Variants in FUBP1 observed in about 807,000 individuals in gnomAD.
The protein encoded by FUBP1 is far upstream element binding protein 1, also known as far upstream element-binding protein 1.
In FUBP1, 16 loss-of-function variants were observed where a neutral mutation model predicts 94.9. The observed-to-expected ratio is 0.17, with a 90% CI of 0.11 to 0.26. The LOEUF is 0.26. Among genes scored for constraint, FUBP1 ranks in the 10% least tolerant of loss-of-function variants. The probability of loss-of-function intolerance (pLI) is 1.00; values close to 1 mark genes in which losing one functional copy is unlikely to be tolerated. For missense variants in FUBP1, 583 were observed against 808.6 expected, an observed-to-expected ratio of 0.72 and a Z score of 3.38; for synonymous variants, 279 against 254.9, an observed-to-expected ratio of 1.09 and a Z score of -0.90.
intron 18 of FUBP1, 106 bp downstream of exon 18, chr1:77,955,149 A>G: frequency 1.6e-6 from 1 of 616,930 alleles, no homozygotes; most frequent in South Asian, 2.1e-5. Flanking sequence ...AACTGTCTTG[A>G]TATGTTTACA....
chr1:77,978,863 C>G (rs757083235), intron 1 of FUBP1, 22 bp downstream of exon 1: 2 of 1,613,604 alleles, frequency 1.2e-6, no homozygotes, highest in South Asian at 2.2e-5. Flanking sequence ...TTTCGGGATT[C>G]CGCCGCGCGG....
intron 1 of FUBP1, among the ~76,000 whole-genome samples, chr1:77,977,508 A>T (rs1393472887): frequency 6.6e-6 from 1 of 152,210 alleles, no homozygotes; most frequent in Non-Finnish European, 1.5e-5. Flanking sequence ...TCTGGGCGAC[A>T]GAGGGAGACT....
Position 77,963,725 on chromosome 1 carries a change from G to C in FUBP1, c.1042-10C>G, listed in dbSNP as rs780400092. 3 of 1,587,988 alleles carry C rather than the reference G, an allele frequency of 1.9e-6. No homozygotes were observed. Among genetic ancestry groups the C allele is most frequent in the Non-Finnish European group, 2.6e-6 (3 of 1,170,876 alleles). ...CACCAGGATTACCAGCCTATAGAGA[G>C]GGAAAGACAAGAACGAAGAGTCAGC... is the stretch of plus-strand genomic sequence containing the variant. On this transcript the variant is annotated splice_polypyrimidine_tract_variant and intron_variant, in intron 12 of 19. Coordinates refer to ENST00000370768, the MANE Select transcript of FUBP1 (RefSeq NM_003902.5).
At chr1:77,952,790 T>C (rs1012073464) in intron 18 of FUBP1, among the ~76,000 whole-genome samples, 72 of 152,228 alleles carry the variant, frequency 4.7e-4, no homozygotes, top group African/African-American at 1.6e-3. Flanking sequence ...CGTATGATGA[T>C]GACAAATGCT....
chr1:77,962,365 G>T (rs1655650570), intron 14 of FUBP1, among the ~76,000 whole-genome samples: 1 of 152,094 alleles, frequency 6.6e-6, no homozygotes, highest in East Asian at 1.9e-4. Context: ...TAGGATTTAT[G>T]AATTTCTACT....
intron 5 of FUBP1, 42 bp downstream of exon 5, chr1:77,967,007 T>C (rs1278669641): frequency 2.6e-6 from 4 of 1,549,974 alleles, no homozygotes; most frequent in Middle Eastern, 1.7e-4. Context: ...CTAAAGTATG[T>C]TTTGATCATG....
rs910010467 is a variant in FUBP1 at position 77,960,659 on chromosome 1, C to T, written c.1345-164G>A. The T allele has an allele frequency of 1.5e-5, 8 of 536,964 alleles. No homozygotes were observed. In the African/African-American group the frequency reaches 1.6e-4, roughly 11 times the overall value. The allele number at this position is 536,964 out of a possible 1,614,324, so 33.3% of individuals were successfully genotyped here. A position where few individuals can be genotyped will look rare whatever the true frequency, so the allele number is the denominator to read the frequency against. On this transcript the variant is annotated intron_variant, in intron 14 of 19. Coordinates refer to ENST00000370768, the MANE Select transcript of FUBP1 (RefSeq NM_003902.5). ...ATTTTGCAAAAACTATTTCATCTGC[C>T]ATAATAATGAGACATGTAAAATTCA...
chr1:77,963,449 A>G (rs932244580), intron 13 of FUBP1, 125 bp downstream of exon 13: 12 of 562,246 alleles, frequency 2.1e-5, no homozygotes, highest in African/African-American at 7.7e-5. Flanking sequence ...ACATATTAAC[A>G]TAAGAATTCT....
At chr1:77,966,862 T>C (rs2102420299) in intron 6 of FUBP1, 22 bp downstream of exon 6, 2 of 1,450,612 alleles carry the variant, frequency 1.4e-6, no homozygotes, top group East Asian at 2.3e-5. Flanking sequence ...ACACTGAAAA[T>C]ACCATGAGAA....
rs1421402833 is a variant in FUBP1, at chr1:77,965,058, A to T, written c.636+11T>A. ...AGATCAAAAGTAGCCATTTCACAAA[A>T]ATAACAATACCTGAAGCTGTTTAAT... is the stretch of plus-strand genomic sequence containing the variant. On this transcript the variant is annotated intron_variant, in intron 8 of 19. Coordinates refer to ENST00000370768, the MANE Select transcript of FUBP1 (RefSeq NM_003902.5). 1 of 1,609,296 alleles carries T rather than the reference A, an allele frequency of 6.2e-7. No individual in the cohort carries two copies. Among genetic ancestry groups the T allele is most frequent in the African/African-American group, 1.3e-5 (1 of 74,832 alleles).
At chr1:77,950,519 C>A (rs1410876477) in intron 18 of FUBP1, among the ~76,000 whole-genome samples, 1 of 152,050 alleles carries the variant, frequency 6.6e-6, no homozygotes, top group Non-Finnish European at 1.5e-5. Context: ...GGTTCATACA[C>A]AAAAAACATA....
In FUBP1 at chr1:77,966,926, G is replaced by A. The variant is rs1397698903; in HGVS notation, c.373C>T (p.Arg125Cys). ...TTGCATCCAGATTCCTGTTGTATGC[G>A]TGAGATCTGTTCACCTCCTCTGCCA... Reference protein sequence around the residue: ...IIGRGGEQISRIQQESGCKIQ... With the variant: ...IIGRGGEQISCIQQESGCKIQ... Residue 125 changes from arginine to cysteine, a missense_variant, in exon 6 of 20, where the codon CGC becomes TGC. By Grantham distance (180) the Arg-to-Cys change is radical. Transcript: ENST00000370768. The A allele has an allele frequency of 2.5e-6, 4 of 1,604,366 alleles. No individual in the cohort carries two copies. The highest frequency in any genetic ancestry group is 1.3e-5 in the African/African-American group (1 of 74,456).
chr1:77,968,648 A>C (rs1000528860), intron 2 of FUBP1, among the ~76,000 whole-genome samples: 7 of 151,718 alleles, frequency 4.6e-5, no homozygotes, highest in African/African-American at 1.7e-4. Flanking sequence ...TGCCCAAAAA[A>C]AAAAAAACAA....
intron 18 of FUBP1, among the ~76,000 whole-genome samples, chr1:77,949,565 T>C (rs943570535): frequency 1.3e-5 from 2 of 151,998 alleles, no homozygotes; most frequent in African/African-American, 4.8e-5. Flanking sequence ...GTCAGGAAAC[T>C]ACTCTGCAAT....
At chr1:77,964,825 C>T (rs1166338172) in intron 9 of FUBP1, 45 bp downstream of exon 9, 1 of 1,497,678 alleles carries the variant, frequency 6.7e-7, no homozygotes, top group Admixed American at 1.7e-5. Flanking sequence ...TTGCCCAACC[C>T]CATTCAACCC....
At chr1:77,955,626 A>G (rs1414895365) in intron 17 of FUBP1, among the ~76,000 whole-genome samples, 1 of 152,244 alleles carries the variant, frequency 6.6e-6, no homozygotes, top group African/African-American at 2.4e-5. Flanking sequence ...ACGTTTGTAA[A>G]CAAGTACAAA....
At chr1:77,962,654 T>C (rs1655716849) in intron 14 of FUBP1, 116 bp downstream of exon 14, 10 of 573,492 alleles carry the variant, frequency 1.7e-5, no homozygotes, top group Non-Finnish European at 2.7e-5. Context: ...TATCATGAAA[T>C]CTATAAATGC....
intron 1 of FUBP1, among the ~76,000 whole-genome samples, chr1:77,976,365 G>C (rs1433990720): frequency 4.6e-5 from 7 of 152,072 alleles, no homozygotes; most frequent in African/African-American, 1.7e-4. Context: ...TTTTTATAAA[G>C]AAATCATTAC....
intron 18 of FUBP1, among the ~76,000 whole-genome samples, chr1:77,954,884 G>A (rs1252359470): frequency 1.3e-5 from 2 of 152,152 alleles, no homozygotes; most frequent in South Asian, 2.1e-4. Flanking sequence ...CGTCACTGCA[G>A]ATTACTTCTT....
Sources: gnomAD v4.1 joint callset for allele counts (sites outside exome capture counted in the v4.1 genomes callset) on GRCh38, gnomAD v4.1.1 for gene constraint, MANE v1.5 for transcripts, NCBI Gene and HGNC (gene_info 2026-07-23, HGNC 2026-07-21) for gene names.